Variants in TUB observed in about 807,000 individuals in gnomAD.
The protein encoded by TUB is TUB bipartite transcription factor.
Under a neutral mutation model 59.7 loss-of-function variants are expected in TUB, and 33 were observed. The ratio of observed to expected loss-of-function variants is 0.55; its 90% CI spans 0.42 to 0.74. The LOEUF is 0.74. TUB is among the 30% of genes least tolerant of loss of function. The pLI is 0.00. For missense variants in TUB, 659 were observed against 672.0 expected (o/e 0.98, Z 0.21); for synonymous variants, 293 against 256.4 (o/e 1.14, Z -1.36).
intron 1 of TUB, among the ~76,000 whole-genome samples, chr11:8,020,950 A>G (rs1483495739): frequency 6.6e-6 from 1 of 152,234 alleles, no homozygotes; most frequent in Non-Finnish European, 1.5e-5. Flanking sequence ...CACAGTCTAG[A>G]TTATATTAGA....
At position 8,102,058 on chromosome 11, in the gene TUB, G is replaced by C. The variant is rs1316925888; in HGVS notation, c.*439G>C. On this transcript the variant is annotated 3_prime_UTR_variant, in exon 12 of 12. Transcript: ENST00000299506. ...GTACTCCAGCAGGTAGGGGCACAGT[G>C]AATGTGTGTATGTATGAAGGCCACA... 1 of 180,192 alleles carries C rather than the reference G, an allele frequency of 5.5e-6. No homozygotes were observed. The highest frequency in any genetic ancestry group is 2.4e-5 in the African/African-American group (1 of 42,548). 11.2% of individuals were successfully genotyped at this position (180,192 alleles called of 1,614,324 possible).
chr11:8,019,357 A>G, exon 1 of TUB: 1 of 1,261,510 alleles, frequency 7.9e-7, no homozygotes, highest in Non-Finnish European at 1.0e-6. Flanking sequence ...GAGCTATGAC[A>G]GGTAGGGCGC....
rs1235379341 is a variant in TUB at position 8,105,557 on chromosome 11, T to G, written c.*3938T>G. 6.6e-6 allele frequency: 1 copy of G among 152,216 alleles called. No individual in the cohort carries two copies. Among genetic ancestry groups the G allele is most frequent in the Non-Finnish European group, 1.5e-5 (1 of 68,034 alleles). 9.4% of individuals were successfully genotyped at this position (152,216 alleles called of 1,614,324 possible). A position where few individuals can be genotyped will look rare whatever the true frequency, so the allele number is the denominator to read the frequency against. ...GTCTTATAGAAAGCACTACTGCACT[T>G]AGTAGCTATGTGATTTTGAGCAAAC... On this transcript the variant is annotated 3_prime_UTR_variant, in exon 12 of 12. Transcript: ENST00000299506.
intron 4 of TUB, among the ~76,000 whole-genome samples, chr11:8,095,060 G>T (rs1943925313): frequency 6.6e-6 from 1 of 152,232 alleles, no homozygotes; most frequent in Non-Finnish European, 1.5e-5. Context: ...AATGATGTAT[G>T]TGAGTTACTG....
At chr11:8,049,584 TAGATAGATAG>T (rs1564902568) in intron 2 of TUB, among the ~76,000 whole-genome samples, 59 of 138,700 alleles carry the variant, frequency 4.3e-4, no homozygotes, top group Non-Finnish European at 7.6e-4. Context: ...TATATATAGA[TAGATAGATAG>T]ATAGATAGAT....
At chr11:8,021,757 T>C (rs561673592) in intron 1 of TUB, among the ~76,000 whole-genome samples, 1 of 150,816 alleles carries the variant, frequency 6.6e-6, no homozygotes, top group East Asian at 2.0e-4. Context: ...CTAATAAAAA[T>C]ACAAAAAAAT....
chr11:8,083,661 T>C (rs1350517381), intron 1 of TUB, among the ~76,000 whole-genome samples: 1 of 147,350 alleles, frequency 6.8e-6, no homozygotes, highest in East Asian at 2.2e-4. Flanking sequence ...CCCTGAAGCA[T>C]AGAATCCTGC....
Position 8,081,425 on chromosome 11 carries a change from G to C in TUB, c.-86G>C. 8.8e-7 allele frequency: 1 copy of C among 1,135,662 alleles called. No homozygotes were observed. The highest frequency in any genetic ancestry group is 3.8e-4 in the Middle Eastern group (1 of 2,660). 70.3% of individuals were successfully genotyped at this position (1,135,662 alleles called of 1,614,324 possible). On this transcript the variant is annotated 5_prime_UTR_variant, in exon 1 of 12. Coordinates refer to ENST00000299506, the MANE Select transcript of TUB (RefSeq NM_177972.3). ...GGCCCGGGAGGATGCGGCCCGGGGC[G>C]GCCCGGGAGCTGAGCAGGGCCCCCG... is the stretch of plus-strand genomic sequence containing the variant.
In TUB at chr11:8,101,833, GGGATGAGAAT is replaced by G; in HGVS notation, c.*215_*224del. 1 of 711,134 alleles carries G rather than the reference GGGATGAGAAT, an allele frequency of 1.4e-6. No individual in the cohort carries two copies. The highest frequency in any genetic ancestry group is 2.2e-6 in the Non-Finnish European group (1 of 447,588). The allele number at this position is 711,134 out of a possible 1,614,324, so 44.1% of individuals were successfully genotyped here. A position where few individuals can be genotyped will look rare whatever the true frequency, so the allele number is the denominator to read the frequency against. On this transcript the variant is annotated 3_prime_UTR_variant, in exon 12 of 12. Coordinates refer to ENST00000299506, the MANE Select transcript of TUB (RefSeq NM_177972.3). ...TGGAGAGCGGGTGGGTGGGTGTGAA[GGGATGAGAAT>G]AATTCTTTCCATGCCACGAGATCAA... is the stretch of plus-strand genomic sequence containing the variant.
Position 8,041,540 on chromosome 11 carries a change from AC to A in TUB, c.203+1851del, listed in dbSNP as rs201156372. On this transcript the variant is annotated intron_variant, in intron 2 of 12. Coordinates refer to the TUB transcript ENST00000305253. ...GAAGAATATCATCTCCATTTCATCC[AC>A]CCATTACTTGGCATCTTGGGATCAT... 3.1e-3 allele frequency among the ~76,000 whole-genome samples: 471 copies of A among 152,154 alleles called. 8 individuals carry two copies. Among genetic ancestry groups the A allele is most frequent in the Admixed American group, 0.023 (347 of 15,282 alleles).
At chr11:8,031,894 C>A (rs953779632) in intron 1 of TUB, among the ~76,000 whole-genome samples, 1 of 151,412 alleles carries the variant, frequency 6.6e-6, no homozygotes, top group Non-Finnish European at 1.5e-5. Flanking sequence ...TACTCCCCCG[C>A]CCCCCTCGGG....
chr11:8,025,959 G>A (rs1056721509), intron 1 of TUB, among the ~76,000 whole-genome samples: 2 of 152,180 alleles, frequency 1.3e-5, no homozygotes, highest in African/African-American at 2.4e-5. Context: ...ATTCCTCTGC[G>A]TTTTTGTGAC....
chr11:8,104,261 T>A lies in TUB; in HGVS notation c.*2642T>A, dbSNP rs1202703731. On this transcript the variant is annotated 3_prime_UTR_variant, in exon 12 of 12. Coordinates refer to ENST00000299506, the MANE Select transcript of TUB (RefSeq NM_177972.3). ...CCTAATGGTATTGGGCAGTTGGGAG[T>A]GAGTTTAGGCAGCTTCTCTGTAACC... The A allele has an allele frequency of 6.6e-6, 1 of 152,122 alleles. No individual in the cohort carries two copies. The highest frequency in any genetic ancestry group is 6.5e-5 in the Admixed American group (1 of 15,270). The allele number at this position is 152,122 out of a possible 1,614,324, so 9.4% of individuals were successfully genotyped here.
chr11:8,020,264 C>G (rs145377880), intron 1 of TUB, among the ~76,000 whole-genome samples: 1 of 152,296 alleles, frequency 6.6e-6, no homozygotes, highest in East Asian at 1.9e-4. Context: ...ACCCATGACC[C>G]TAGATGGTGA....
At chr11:8,061,548 A>C (rs1943126216) in intron 2 of TUB, among the ~76,000 whole-genome samples, 1 of 152,026 alleles carries the variant, frequency 6.6e-6, no homozygotes, top group African/African-American at 2.4e-5. Flanking sequence ...GCAGCTTTGC[A>C]CACCCCTTGC....
At chr11:8,029,079 T>C (rs1371598514) in intron 1 of TUB, among the ~76,000 whole-genome samples, 1 of 152,184 alleles carries the variant, frequency 6.6e-6, no homozygotes, top group Non-Finnish European at 1.5e-5. Flanking sequence ...GGTTTATTTC[T>C]GGACTCTTGA....
intron 2 of TUB, among the ~76,000 whole-genome samples, chr11:8,070,291 T>C (rs1237925049): frequency 1.3e-5 from 2 of 152,226 alleles, no homozygotes; most frequent in Non-Finnish European, 2.9e-5. Context: ...CAAGTTCTTT[T>C]TATAAATCTC....
chr11:8,077,009 G>A (rs1477991794), upstream of TUB: 4 of 152,036 alleles, frequency 2.6e-5, no homozygotes, highest in South Asian at 2.1e-4. Flanking sequence ...GGCTTTATCT[G>A]GCCACCCATA....
chr11:8,100,760 A>T, intron 10 of TUB, 66 bp from the exon 11 acceptor site: 1 of 1,594,668 alleles, frequency 6.3e-7, no homozygotes, highest in Non-Finnish European at 8.6e-7. Flanking sequence ...CCCGGGATAG[A>T]TCCCTTTCTG....
Sources: allele counts gnomAD v4.1 joint callset (sites outside exome capture counted in the v4.1 genomes callset), GRCh38; gene constraint gnomAD v4.1.1; transcripts MANE v1.5; gene names NCBI Gene and HGNC (gene_info 2026-07-23, HGNC 2026-07-21).